RBFOX1: variants seen among roughly 807,000 people sequenced by gnomAD.
The protein encoded by RBFOX1 is RNA binding fox-1 homolog 1, also known as RNA binding protein fox-1 homolog 1.
In RBFOX1, 8 loss-of-function variants were observed where a neutral mutation model predicts 57.7. That is an observed-to-expected ratio of 0.14 (90% CI 0.08 to 0.25). The LOEUF is 0.25. Among genes scored for constraint, RBFOX1 ranks in the 10% least tolerant of loss-of-function variants. The pLI is 1.00. For synonymous variants in RBFOX1, 326 were observed against 222.4 expected (o/e 1.47, Z -4.15); for missense variants, 611 against 548.5 (o/e 1.11, Z -1.14).
chr16:5,737,281 C>G (rs997869050), intron 3 of RBFOX1, among the ~76,000 whole-genome samples: 1 of 151,948 alleles, frequency 6.6e-6, no homozygotes, highest in African/African-American at 2.4e-5. Context: ...GTTAGGAGTT[C>G]AAGAACAGCC....
At chr16:5,550,689 C>T (rs917114842) in intron 2 of RBFOX1, among the ~76,000 whole-genome samples, 1 of 152,142 alleles carries the variant, frequency 6.6e-6, no homozygotes. Flanking sequence ...GACAAAGCTC[C>T]CTGTCCCTGT....
At chr16:7,680,582 A>G (rs535390075) in intron 14 of RBFOX1, among the ~76,000 whole-genome samples, 2 of 152,234 alleles carry the variant, frequency 1.3e-5, no homozygotes, top group East Asian at 1.9e-4. Flanking sequence ...CACATAAAAC[A>G]TGCATTTCTT....
chr16:5,384,725 C>G (rs751561052), intron 1 of RBFOX1, among the ~76,000 whole-genome samples: 22 of 152,130 alleles, frequency 1.4e-4, no homozygotes, highest in Non-Finnish European at 3.1e-4. Flanking sequence ...AGGGGTTGGG[C>G]TTTTTGGCCC....
chr16:6,806,243 T>C (rs1246538906), intron 3 of RBFOX1, among the ~76,000 whole-genome samples: 1 of 152,196 alleles, frequency 6.6e-6, no homozygotes, highest in African/African-American at 2.4e-5. Flanking sequence ...GTATTTGTTT[T>C]AGAGATTTTT....
chr16:6,309,598 G>C (rs2079987248), intron 1 of RBFOX1, among the ~76,000 whole-genome samples: 1 of 151,912 alleles, frequency 6.6e-6, no homozygotes, highest in Non-Finnish European at 1.5e-5. Flanking sequence ...CCAAACATTA[G>C]AAATCTCCTG....
intron 4 of RBFOX1, among the ~76,000 whole-genome samples, chr16:5,867,956 C>T (rs151278207): frequency 1.6e-3 from 244 of 152,300 alleles, no homozygotes; most frequent in African/African-American, 5.5e-3. Flanking sequence ...AAGTGATCTG[C>T]TCGCCTCAGC....
chr16:7,269,803 G>A (rs1400712475), intron 4 of RBFOX1, among the ~76,000 whole-genome samples: 3 of 152,178 alleles, frequency 2.0e-5, no homozygotes, highest in African/African-American at 4.8e-5. Flanking sequence ...CGGAAGATAT[G>A]AGCATCTTTA....
chr16:6,385,818 A>T (rs1473016920), intron 2 of RBFOX1, among the ~76,000 whole-genome samples: 1 of 152,248 alleles, frequency 6.6e-6, no homozygotes, highest in Non-Finnish European at 1.5e-5. Context: ...ATCAGATTCT[A>T]GTACCAGGGA....
intron 1 of RBFOX1, among the ~76,000 whole-genome samples, chr16:5,445,077 C>A (rs550606611): frequency 6.6e-6 from 1 of 152,146 alleles, no homozygotes; most frequent in African/African-American, 2.4e-5. Context: ...GAAGACTCCT[C>A]TGGGTTACTC....
At chr16:6,185,185 T>C (rs1000618146) in intron 1 of RBFOX1, among the ~76,000 whole-genome samples, 2 of 152,202 alleles carry the variant, frequency 1.3e-5, no homozygotes, top group Admixed American at 6.5e-5. Context: ...GGCTCTAATA[T>C]ATTCAACATT....
Position 6,287,056 on chromosome 16 carries a change from G to T in RBFOX1, c.-126-29939G>T, listed in dbSNP as rs536144059. On this transcript the variant is annotated intron_variant, in intron 1 of 15. Transcript: ENST00000550418. Reference sequence around the variant, plus strand: ...ATCTACAGATTTTGAGTTGGGCTGGGTATAAAATGATAAGGGAACAGCATA... The same window carrying T: ...ATCTACAGATTTTGAGTTGGGCTGGTTATAAAATGATAAGGGAACAGCATA... Among the ~76,000 whole-genome samples the T allele has an allele frequency of 3.3e-5, 5 of 152,148 alleles. No homozygotes were observed. In the East Asian group the frequency reaches 7.7e-4, roughly 24 times the overall value.
At chr16:7,307,455 A>G (rs779968063) in intron 4 of RBFOX1, among the ~76,000 whole-genome samples, 6 of 152,224 alleles carry the variant, frequency 3.9e-5, no homozygotes, top group Non-Finnish European at 8.8e-5. Context: ...TTTTGCCACG[A>G]ATAATTTATT....
intron 7 of RBFOX1, among the ~76,000 whole-genome samples, chr16:7,589,270 A>C (rs1485460914): frequency 6.6e-6 from 1 of 152,132 alleles, no homozygotes; most frequent in Non-Finnish European, 1.5e-5. Flanking sequence ...TTTAATTTAT[A>C]TTTTGTTTTG....
intron 3 of RBFOX1, among the ~76,000 whole-genome samples, chr16:5,623,918 C>T (rs1342541851): frequency 6.6e-6 from 1 of 152,146 alleles, no homozygotes; most frequent in East Asian, 1.9e-4. Context: ...TTTTATTATT[C>T]ACAGAGTTGT....
At chr16:7,355,438 C>A (rs1438880815) in intron 4 of RBFOX1, among the ~76,000 whole-genome samples, 1 of 152,168 alleles carries the variant, frequency 6.6e-6, no homozygotes, top group East Asian at 1.9e-4. Context: ...AGAGACAATA[C>A]CTGCTAACGA....
At chr16:7,033,655 G>A (rs2043411438) in intron 3 of RBFOX1, among the ~76,000 whole-genome samples, 1 of 152,186 alleles carries the variant, frequency 6.6e-6, no homozygotes, top group Non-Finnish European at 1.5e-5. Flanking sequence ...AAAAGCAGAT[G>A]AGGAAGGGAG....
At chr16:5,642,671 G>T (rs574430099) in intron 3 of RBFOX1, among the ~76,000 whole-genome samples, 2 of 152,280 alleles carry the variant, frequency 1.3e-5, no homozygotes, top group South Asian at 4.1e-4. Flanking sequence ...GCTAGCCGAT[G>T]AATGGGGAAT....
chr16:5,389,015 C>T (rs2066330729), intron 1 of RBFOX1, among the ~76,000 whole-genome samples: 1 of 151,332 alleles, frequency 6.6e-6, no homozygotes, highest in Non-Finnish European at 1.5e-5. Flanking sequence ...CACGGTGAAA[C>T]CCCATCTCTA....
chr16:5,630,646 C>G (rs1276463652), intron 3 of RBFOX1, among the ~76,000 whole-genome samples: 1 of 152,066 alleles, frequency 6.6e-6, no homozygotes, highest in East Asian at 1.9e-4. Flanking sequence ...TGGCAGTGCC[C>G]TCATCAACCA....
Sources: gnomAD v4.1 joint callset for allele counts (sites outside exome capture counted in the v4.1 genomes callset) on GRCh38, gnomAD v4.1.1 for gene constraint, MANE v1.5 for transcripts, NCBI Gene and HGNC (gene_info 2026-07-23, HGNC 2026-07-21) for gene names.